The following MCTP2 variants were observed in gnomAD, a reference collection of about 807,000 sequenced individuals.
MCTP2 encodes the protein multiple C2 and transmembrane domain-containing protein 2.
In MCTP2, 132 loss-of-function variants were observed where a neutral mutation model predicts 111.6. The observed-to-expected ratio is 1.18, with a 90% CI of 1.03 to 1.37. The LOEUF is 1.37. MCTP2 is among the 40% of genes most tolerant of loss of function. MCTP2 has a pLI of 0.00. For missense variants in MCTP2, 1,183 were observed against 1,067.9 expected (o/e 1.11, Z -1.50); for synonymous variants, 395 against 387.7 (o/e 1.02, Z -0.22).
chr15:94,402,137 G>C (rs114795508), intron 17 of MCTP2, 118 bp downstream of exon 17: 1 of 1,381,380 alleles, frequency 7.2e-7, no homozygotes, highest in Non-Finnish European at 9.7e-7. Flanking sequence ...ACAGTACTTA[G>C]GTCAAATTTA....
chr15:94,244,387 T>C (rs2071550330), intron 1 of MCTP2, among the ~76,000 whole-genome samples: 1 of 149,872 alleles, frequency 6.7e-6, no homozygotes, highest in Non-Finnish European at 1.5e-5. Flanking sequence ...TGTATACACA[T>C]AAATATGTAT....
At position 94,399,051 on chromosome 15, in the gene MCTP2, A is replaced by T. The variant is rs372053722; in HGVS notation, c.1879A>T (p.Ile627Leu). ...KGVIYLEMDL[I>L]YNPVKASIRT... is the part of the protein sequence containing the mutation. ...AGTTATTTACTTAGAGATGGACCTT[A>T]TATATAATCCGGTAAGTCTAGCTGG... The change falls in exon 15 of 23, where the codon ATA (isoleucine) becomes TTA (leucine). Residue 627 changes from isoleucine (I) to leucine (L), a missense_variant. By Grantham distance (5) the Ile-to-Leu change is conservative. Coordinates refer to ENST00000357742, the MANE Select transcript of MCTP2 (RefSeq NM_001385001.1). The T allele has an allele frequency of 2.1e-5, 31 of 1,487,892 alleles. No individual in the cohort carries two copies. The Admixed American group carries it at 2.7e-4, about 13-fold the overall frequency. The allele number at this position is 1,487,892 out of a possible 1,614,324, so 92.2% of individuals were successfully genotyped here. A position where few individuals can be genotyped will look rare whatever the true frequency, so the allele number is the denominator to read the frequency against.
At chr15:94,372,580 A>T (rs1394458315) in intron 12 of MCTP2, among the ~76,000 whole-genome samples, 1 of 152,222 alleles carries the variant, frequency 6.6e-6, no homozygotes, top group Admixed American at 6.5e-5. Flanking sequence ...AATTCAAAGT[A>T]TGTAGTAAAA....
intron 2 of MCTP2, among the ~76,000 whole-genome samples, chr15:94,312,375 C>T (rs1250357457): frequency 7.9e-5 from 12 of 152,156 alleles, no homozygotes; most frequent in Non-Finnish European, 1.2e-4. Flanking sequence ...TCCTTTTATA[C>T]ATAACACATG....
In MCTP2 at chr15:94,479,211, A is replaced by C; in HGVS notation, c.*177A>C. Reference sequence around the variant, plus strand: ...CATACACACATGTGCACACACCCTCATGCATGGGTGTCCTAGTTGCGTAGA... The same window carrying C: ...CATACACACATGTGCACACACCCTCCTGCATGGGTGTCCTAGTTGCGTAGA... On this transcript the variant is annotated 3_prime_UTR_variant, in exon 23 of 23. Transcript: ENST00000357742. 3 of 635,492 alleles carry C rather than the reference A, an allele frequency of 4.7e-6. No homozygotes were observed. Among genetic ancestry groups the C allele is most frequent in the Non-Finnish European group, 8.6e-6 (3 of 350,616 alleles). The allele number at this position is 635,492 out of a possible 1,614,324, so 39.4% of individuals were successfully genotyped here.
intron 12 of MCTP2, among the ~76,000 whole-genome samples, chr15:94,371,728 G>A (rs866343366): frequency 1.2e-4 from 18 of 151,994 alleles, no homozygotes; most frequent in East Asian, 3.9e-4. Context: ...CTGCTCTGTC[G>A]CCCAGGCTGG....
At chr15:94,415,629 C>T (rs528058234) in intron 17 of MCTP2, among the ~76,000 whole-genome samples, 7 of 152,036 alleles carry the variant, frequency 4.6e-5, no homozygotes, top group African/African-American at 1.4e-4. Flanking sequence ...TCCCTCGGTG[C>T]GTCCCCCCAA....
At chr15:94,417,659 T>G (rs963967114) in intron 17 of MCTP2, among the ~76,000 whole-genome samples, 5 of 152,130 alleles carry the variant, frequency 3.3e-5, no homozygotes, top group African/African-American at 4.8e-5. Context: ...GAAAGGAGGA[T>G]CCAAGCCTTG....
At chr15:94,278,658 GATGTACTA>G (rs1338128547) in intron 1 of MCTP2, among the ~76,000 whole-genome samples, 1 of 152,072 alleles carries the variant, frequency 6.6e-6, no homozygotes, top group African/African-American at 2.4e-5. Flanking sequence ...ACTGGGGTTT[GATGTACTA>G]ATGGTTTCAG....
intron 10 of MCTP2, among the ~76,000 whole-genome samples, chr15:94,363,921 C>T (rs1043707540): frequency 1.3e-5 from 2 of 152,066 alleles, no homozygotes; most frequent in African/African-American, 2.4e-5. Flanking sequence ...AGATGCCCTG[C>T]GTGTGTGTTT....
rs1357515881 is a variant in MCTP2, at chr15:94,334,961, C to G, written c.638-4329C>G. Among the ~76,000 whole-genome samples the G allele has an allele frequency of 2.6e-5, 4 of 152,056 alleles. 1 individual carries two copies. Among genetic ancestry groups the G allele is most frequent in the African/African-American group, 4.8e-5 (2 of 41,390 alleles). ...TTTCTAAATGGTTTAGATCACATAC[C>G]CTTTCCCATCCGTGGAGTGCCCCTC... is the stretch of plus-strand genomic sequence containing the variant. On this transcript the variant is annotated intron_variant, in intron 4 of 22. Coordinates refer to ENST00000357742, the MANE Select transcript of MCTP2 (RefSeq NM_001385001.1).
chr15:94,328,295 A>T (rs1030775127), intron 4 of MCTP2, among the ~76,000 whole-genome samples: 6 of 151,446 alleles, frequency 4.0e-5, no homozygotes, highest in African/African-American at 1.5e-4. Flanking sequence ...CGCCCGGCTA[A>T]TTTTTTGTAT....
intron 20 of MCTP2, among the ~76,000 whole-genome samples, chr15:94,464,259 A>ATATATATATATATAT (rs1221338718): frequency 4.7e-5 from 2 of 42,154 alleles, no homozygotes; most frequent in African/African-American, 1.4e-4. Context: ...TATATATATT[A>ATATATATATATATAT]TATATATATA....
chr15:94,236,462 G>A (rs2070575492), intron 1 of MCTP2, among the ~76,000 whole-genome samples: 1 of 138,052 alleles, frequency 7.2e-6, no homozygotes, highest in Non-Finnish European at 1.5e-5. Flanking sequence ...ATAGTGACAT[G>A]GATATGTGTG....
At chr15:94,353,534 A>G (rs1429620613) in intron 8 of MCTP2, among the ~76,000 whole-genome samples, 3 of 152,206 alleles carry the variant, frequency 2.0e-5, no homozygotes, top group African/African-American at 7.2e-5. Flanking sequence ...GGCATATTTC[A>G]TGGAAGTGCT....
At chr15:94,234,327 AAG>A (rs1307163183) in intron 1 of MCTP2, among the ~76,000 whole-genome samples, 1 of 152,192 alleles carries the variant, frequency 6.6e-6, no homozygotes, top group Non-Finnish European at 1.5e-5. Context: ...AAATGAGAAA[AAG>A]AGATGATAAT....
In MCTP2 at chr15:94,356,319, C is replaced by T; in HGVS notation, c.1170+18C>T. 5 of 1,553,266 alleles carry T rather than the reference C, an allele frequency of 3.2e-6. No individual in the cohort carries two copies. The highest frequency in any genetic ancestry group is 4.3e-6 in the Non-Finnish European group (5 of 1,152,498). ...AAAGTAAGGTAAGTTCCATCTTTTCCATAAGGAGAACAGTATCTTTAAAAT... is the reference window on the plus strand; with the variant it reads ...AAAGTAAGGTAAGTTCCATCTTTTCTATAAGGAGAACAGTATCTTTAAAAT... On this transcript the variant is annotated intron_variant, in intron 9 of 22. Transcript: ENST00000357742.
chr15:94,315,804 C>A (rs1346293554), intron 4 of MCTP2, among the ~76,000 whole-genome samples, 167 bp downstream of exon 4: 1 of 152,228 alleles, frequency 6.6e-6, no homozygotes, highest in Non-Finnish European at 1.5e-5. Context: ...ATCATTTAAA[C>A]ACACTAAACC....
chr15:94,245,526 TTATA>T (rs764830815), intron 1 of MCTP2, among the ~76,000 whole-genome samples: 327 of 141,388 alleles, frequency 2.3e-3, no homozygotes, highest in Non-Finnish European at 4.5e-3. Flanking sequence ...ATGTATATAT[TTATA>T]TACATACATG....
Sources: allele counts gnomAD v4.1 joint callset (sites outside exome capture counted in the v4.1 genomes callset), GRCh38; gene constraint gnomAD v4.1.1; transcripts MANE v1.5; gene names NCBI Gene and HGNC (gene_info 2026-07-23, HGNC 2026-07-21).